Variants in RCOR1 observed in about 807,000 individuals in gnomAD.
RCOR1 encodes the protein REST corepressor.
A neutral mutation model predicts 64.0 loss-of-function variants in RCOR1; 12 were observed. The observed-to-expected ratio is 0.19, with a 90% CI of 0.12 to 0.30. The LOEUF is 0.30. Ranked by LOEUF, RCOR1 falls within the 10% of genes least tolerant of loss-of-function variation. The pLI is 1.00. For missense variants in RCOR1, 502 were observed against 621.2 expected (o/e 0.81, Z 2.04); for synonymous variants, 279 against 227.2 (o/e 1.23, Z -2.05).
chr14:102,624,665 C>T (rs1893945778), intron 2 of RCOR1, among the ~76,000 whole-genome samples: 1 of 151,862 alleles, frequency 6.6e-6, no homozygotes, highest in South Asian at 2.1e-4. Context: ...ACTTCGGAGA[C>T]TGAGGTAGGA....
intron 2 of RCOR1, among the ~76,000 whole-genome samples, chr14:102,615,709 A>C (rs1893744643): frequency 1.3e-5 from 2 of 152,270 alleles, no homozygotes; most frequent in Admixed American, 1.3e-4. Context: ...TTGGCCTCCC[A>C]AAGTGCTGGT....
At chr14:102,704,959 TA>T (rs201884750) in intron 4 of RCOR1, among the ~76,000 whole-genome samples, 4 of 151,914 alleles carry the variant, frequency 2.6e-5, no homozygotes, top group African/African-American at 4.8e-5. Flanking sequence ...ACCTCATCTC[TA>T]AAAAAAAGTT....
chr14:102,593,894 T>C (rs1893188599), intron 2 of RCOR1, among the ~76,000 whole-genome samples: 1 of 152,198 alleles, frequency 6.6e-6, no homozygotes, highest in Non-Finnish European at 1.5e-5. Flanking sequence ...AGAGGGCGCC[T>C]GCCTGGGGAA....
At chr14:102,637,695 C>G (rs959686063) in intron 2 of RCOR1, among the ~76,000 whole-genome samples, 1 of 152,200 alleles carries the variant, frequency 6.6e-6, no homozygotes, top group Non-Finnish European at 1.5e-5. Flanking sequence ...AACGATTTGC[C>G]TGCCTTGGCC....
At chr14:102,623,576 T>G (rs1447056164) in intron 2 of RCOR1, among the ~76,000 whole-genome samples, 4 of 151,142 alleles carry the variant, frequency 2.6e-5, no homozygotes, top group Admixed American at 6.6e-5. Context: ...GCCTGGCTAA[T>G]TTTTTGTATT....
chr14:102,628,833 C>T (rs888017401), intron 2 of RCOR1, among the ~76,000 whole-genome samples: 1 of 151,898 alleles, frequency 6.6e-6, no homozygotes, highest in Admixed American at 6.6e-5. Flanking sequence ...GGATTACAGG[C>T]GTGAGGCACC....
chr14:102,706,629 C>A (rs1287688038), intron 4 of RCOR1, among the ~76,000 whole-genome samples: 1 of 151,958 alleles, frequency 6.6e-6, no homozygotes, highest in African/African-American at 2.4e-5. Context: ...AGTTTAAGAC[C>A]AGCCTGGGCA....
At chr14:102,644,384 A>T (rs1894437761) in intron 2 of RCOR1, among the ~76,000 whole-genome samples, 1 of 152,252 alleles carries the variant, frequency 6.6e-6, no homozygotes, top group Non-Finnish European at 1.5e-5. Context: ...GTAGGAGTAC[A>T]GAAGTGGAAT....
At chr14:102,630,232 C>T (rs1391498084) in intron 2 of RCOR1, among the ~76,000 whole-genome samples, 1 of 152,148 alleles carries the variant, frequency 6.6e-6, no homozygotes, top group Non-Finnish European at 1.5e-5. Context: ...TTAAAAAGAG[C>T]TGGCGCCTCT....
At chr14:102,713,296 T>A (rs1333920307) in intron 7 of RCOR1, among the ~76,000 whole-genome samples, 1 of 143,480 alleles carries the variant, frequency 7.0e-6, no homozygotes, top group African/African-American at 2.6e-5. Context: ...CCTCACTGTG[T>A]CGCCCAGGCT....
At chr14:102,653,673 A>T (rs953302764) in intron 2 of RCOR1, among the ~76,000 whole-genome samples, 2 of 151,950 alleles carry the variant, frequency 1.3e-5, no homozygotes, top group Non-Finnish European at 2.9e-5. Flanking sequence ...CATGATAGTG[A>T]GTGAGCTCTC....
rs879813777 is a variant in RCOR1, at chr14:102,689,717, A to G, written c.445+7739A>G. ...GATCTCTGTGTTAAAATAGACAAAAATGGAAATCGTTAGCTGTGCCAAAAA... is the reference window on the plus strand; with the variant it reads ...GATCTCTGTGTTAAAATAGACAAAAGTGGAAATCGTTAGCTGTGCCAAAAA... On this transcript the variant is annotated intron_variant, in intron 3 of 11. Transcript: ENST00000262241. Among the ~76,000 whole-genome samples the G allele has an allele frequency of 2.0e-5, 3 of 152,208 alleles. No individual in the cohort carries two copies. In the South Asian group the frequency reaches 6.2e-4, roughly 31 times the overall value.
At chr14:102,643,568 T>C (rs186514453) in intron 2 of RCOR1, among the ~76,000 whole-genome samples, 1 of 152,302 alleles carries the variant, frequency 6.6e-6, no homozygotes, top group East Asian at 1.9e-4. Context: ...GCACCAGGTA[T>C]CTTCAGAGGC....
In RCOR1 at chr14:102,721,382, G is replaced by T; in HGVS notation, c.1189+5G>T. ...AGCAGCTTCTCGCCGTACAAGGTAG[G>T]GGGAAGTTCTTCTAAAGAGTTTAGG... On this transcript the variant is annotated splice_donor_5th_base_variant and intron_variant, in intron 10 of 11. Coordinates refer to ENST00000262241, the MANE Select transcript of RCOR1 (RefSeq NM_015156.4). The T allele has an allele frequency of 6.2e-7, 1 of 1,612,088 alleles. No individual in the cohort carries two copies. The highest frequency in any genetic ancestry group is 8.5e-7 in the Non-Finnish European group (1 of 1,178,286).
rs1267820610 is a variant in RCOR1, at chr14:102,593,000, C to T, written c.114C>T (p.Cys38=). The T allele has an allele frequency of 4.2e-6, 5 of 1,184,104 alleles. No individual in the cohort carries two copies. Among genetic ancestry groups the T allele is most frequent in the South Asian group, 6.9e-5 (2 of 28,788 alleles). The allele number at this position is 1,184,104 out of a possible 1,614,324, so 73.3% of individuals were successfully genotyped here. The change falls in exon 1 of 12, where the codon TGC becomes TGT. Residue 38 remains cysteine (C), a synonymous_variant. Transcript: ENST00000262241. ...CCTCCGCCGCCGCCTCGGCCGCCTGCGCCTCGCCAGCCGCCACTGCCGCCT... is the reference window on the plus strand; with the variant it reads ...CCTCCGCCGCCGCCTCGGCCGCCTGTGCCTCGCCAGCCGCCACTGCCGCCT... ...AAASAAASAA[C]ASPAATAASG...
At chr14:102,708,635 C>A in intron 6 of RCOR1, 52 bp downstream of exon 6, 1 of 992,288 alleles carries the variant, frequency 1.0e-6, no homozygotes, top group Non-Finnish European at 1.6e-6. Context: ...TATCTAAGAG[C>A]CCCAGATACA....
chr14:102,714,572 G>A lies in RCOR1; in HGVS notation c.1008G>A (p.Thr336=), dbSNP rs768496502. 1.4e-5 allele frequency: 22 copies of A among 1,612,460 alleles called. No homozygotes were observed. Among genetic ancestry groups the A allele is most frequent in the African/African-American group, 5.3e-5 (4 of 74,868 alleles). ...CTGCCAATGCCACTGCTGCTACCAC[G>A]GTGCTGAGACAACTAGACATGGAAT... ...AVSANATAAT[T]VLRQLDMELV... Residue 336 remains threonine (T), a synonymous_variant, in exon 8 of 12, where the codon ACG becomes ACA. Coordinates refer to ENST00000262241, the MANE Select transcript of RCOR1 (RefSeq NM_015156.4).
Position 102,592,773 on chromosome 14 carries a change from T to A in RCOR1, c.-114T>A. 8.4e-7 allele frequency: 1 copy of A among 1,197,534 alleles called. No homozygotes were observed. Among genetic ancestry groups the A allele is most frequent in the Non-Finnish European group, 1.0e-6 (1 of 967,592 alleles). The allele number at this position is 1,197,534 out of a possible 1,614,324, so 74.2% of individuals were successfully genotyped here. On this transcript the variant is annotated 5_prime_UTR_variant, in exon 1 of 12. Transcript: ENST00000262241. ...CCGACTCGGACTCGCGCCCGTGGGC[T>A]CCCGCCGCGCCCGCCCGGCCCCGCG...
chr14:102,623,387 A>ATTAT (rs376556197), intron 2 of RCOR1, among the ~76,000 whole-genome samples: 25,310 of 124,614 alleles, frequency 0.2, 2,448 homozygotes, highest in Non-Finnish European at 0.25. Flanking sequence ...TTATTTATTT[A>ATTAT]TTATTTATTT....
Sources: allele counts gnomAD v4.1 joint callset (sites outside exome capture counted in the v4.1 genomes callset), GRCh38; gene constraint gnomAD v4.1.1; transcripts MANE v1.5; gene names NCBI Gene and HGNC (gene_info 2026-07-23, HGNC 2026-07-21).